PSMD5: variants seen among roughly 807,000 people sequenced by gnomAD.
The protein encoded by PSMD5 is 26S proteasome non-ATPase regulatory subunit 5.
Under a neutral mutation model 52.1 loss-of-function variants are expected in PSMD5, and 40 were observed. That is an observed-to-expected ratio of 0.77 (90% confidence interval 0.60 to 1.00). PSMD5 has a LOEUF of 1.00. Ranked by LOEUF, PSMD5 falls within the 50% of genes least tolerant of loss-of-function variation. PSMD5 has a pLI of 0.00. For synonymous variants in PSMD5, 211 were observed against 226.6 expected, an observed-to-expected ratio of 0.93 and a Z score of 0.62; for missense variants, 575 against 605.2, an observed-to-expected ratio of 0.95 and a Z score of 0.52.
chr9:120,835,960 T>C (rs1353095236), intron 1 of PSMD5, among the ~76,000 whole-genome samples: 1 of 152,068 alleles, frequency 6.6e-6, no homozygotes, highest in Non-Finnish European at 1.5e-5. Context: ...CTCCAGAACA[T>C]TTTCCTCTTC....
chr9:120,833,568 G>C, intron 1 of PSMD5, 112 bp from the exon 2 acceptor site: 2 of 1,109,280 alleles, frequency 1.8e-6, no homozygotes, highest in Non-Finnish European at 2.5e-6. Flanking sequence ...ACTTCTTTTT[G>C]AAACAGCAGC....
chr9:120,829,581 C>T (rs776307448), intron 4 of PSMD5, among the ~76,000 whole-genome samples: 4 of 152,054 alleles, frequency 2.6e-5, no homozygotes, highest in Non-Finnish European at 4.4e-5. Flanking sequence ...TTTTTAGTAG[C>T]GATGGGGTTT....
intron 5 of PSMD5, among the ~76,000 whole-genome samples, chr9:120,828,529 G>A (rs1388465688): frequency 6.9e-6 from 1 of 145,754 alleles, no homozygotes; most frequent in Non-Finnish European, 1.5e-5. Context: ...CCAGGTTCAA[G>A]CAATTCTCCT....
Position 120,833,177 on chromosome 9 carries a change from G to A in PSMD5, c.318+135C>T. The A allele has an allele frequency of 3.0e-6, 3 of 1,014,416 alleles. No individual in the cohort carries two copies. The South Asian group carries it at 4.7e-5, about 16-fold the overall frequency. The allele number at this position is 1,014,416 out of a possible 1,614,324, so 62.8% of individuals were successfully genotyped here. On this transcript the variant is annotated intron_variant, in intron 2 of 9. Transcript: ENST00000210313. Reference sequence around the variant, plus strand: ...AGACCACACATTTCCTAGGGGGAAAGAGGGAGCAGAGGAGAGGGGGAGAAG... The same window carrying A: ...AGACCACACATTTCCTAGGGGGAAAAAGGGAGCAGAGGAGAGGGGGAGAAG...
intron 1 of PSMD5, among the ~76,000 whole-genome samples, chr9:120,835,621 C>T (rs1048111232): frequency 6.6e-6 from 1 of 151,838 alleles, no homozygotes; most frequent in Non-Finnish European, 1.5e-5. Context: ...CCACCTACTT[C>T]AGGAGGCTGA....
At position 120,817,801 on chromosome 9, in the gene PSMD5, A is replaced by G; in HGVS notation, c.*105T>C. ...AAAGTAACATCTGACATTCCATGAT[A>G]ATTCTTGGGGAAAGGAAGTCTCTTT... On this transcript the variant is annotated 3_prime_UTR_variant, in exon 10 of 10. Transcript: ENST00000210313. 8.0e-7 allele frequency: 1 copy of G among 1,253,576 alleles called. No homozygotes were observed. Among genetic ancestry groups the G allele is most frequent in the Non-Finnish European group, 1.1e-6 (1 of 900,086 alleles). The allele number at this position is 1,253,576 out of a possible 1,614,324, so 77.7% of individuals were successfully genotyped here.
intron 7 of PSMD5, among the ~76,000 whole-genome samples, chr9:120,823,055 C>A (rs1195386833): frequency 6.6e-6 from 1 of 151,894 alleles, no homozygotes; most frequent in Admixed American, 6.6e-5. Context: ...AAACGATCCT[C>A]CCGCCTTGGC....
At position 120,821,679 on chromosome 9, in the gene PSMD5, T is replaced by G. The variant is rs114371043; in HGVS notation, c.1007-215A>C. Among the ~76,000 whole-genome samples, 620 of 152,280 alleles carry G rather than the reference T, an allele frequency of 4.1e-3. 6 individuals are homozygous for G. Among genetic ancestry groups the G allele is most frequent in the African/African-American group, 0.014 (581 of 41,556 alleles). On this transcript the variant is annotated intron_variant, in intron 7 of 9. Coordinates refer to ENST00000210313, the MANE Select transcript of PSMD5 (RefSeq NM_005047.4). ...CAATAATTCCCTTTCTTCTCTACCC[T>G]CATCCCCTGCCAACCACTATTCTAC...
chr9:120,824,798 G>A (rs1445040354), intron 6 of PSMD5, 113 bp from the exon 7 acceptor site: 2 of 876,426 alleles, frequency 2.3e-6, no homozygotes, highest in Non-Finnish European at 3.4e-6. Flanking sequence ...GCATAGAAAG[G>A]TTAGAGTAGT....
At chr9:120,824,286 C>G in intron 7 of PSMD5, 1 of 581,124 alleles carries the variant, frequency 1.7e-6, no homozygotes, top group South Asian at 2.0e-5. Flanking sequence ...CAATGAAAAC[C>G]TAAACCAGTG....
Position 120,829,207 on chromosome 9 carries a change from A to G in PSMD5, c.563T>C (p.Leu188Pro). ...TGACACGGAAGAAATCTCTATAATT[A>G]GCTGAAATAAAAAAAAAAACACAGA... ...NDIVRYRVYE[L>P]IIEISSVSPE... The change falls in exon 5 of 10, where the codon CTA becomes CCA. Residue 188 changes from leucine to proline, a missense_variant and splice_region_variant. Leu to Pro is a moderately conservative substitution (Grantham distance 98). Coordinates refer to ENST00000210313, the MANE Select transcript of PSMD5 (RefSeq NM_005047.4). 6.3e-7 allele frequency: 1 copy of G among 1,577,152 alleles called. No homozygotes were observed. Among genetic ancestry groups the G allele is most frequent in the Non-Finnish European group, 8.6e-7 (1 of 1,166,044 alleles).
In PSMD5 at chr9:120,829,109, C is replaced by T; in HGVS notation, c.661G>A (p.Val221Met). The change falls in exon 5 of 10, where the codon GTG becomes ATG. Residue 221 changes from valine (V) to methionine (M), a missense_variant. Val to Met is a conservative substitution (Grantham distance 21, BLOSUM62 1). Transcript: ENST00000210313. ...ACTCAGTCAACACACCTGACCAACACATCCTCACCAGTCAGCTCTCTCAGG... is the reference window on the plus strand; with the variant it reads ...ACTCAGTCAACACACCTGACCAACATATCCTCACCAGTCAGCTCTCTCAGG... Reference protein sequence around the residue: ...QLLRELTGEDVLVRATCIEMV... With the variant: ...QLLRELTGEDMLVRATCIEMV... 6.3e-7 allele frequency: 1 copy of T among 1,592,778 alleles called. No homozygotes were observed. The highest frequency in any genetic ancestry group is 8.5e-7 in the Non-Finnish European group (1 of 1,170,182).
chr9:120,821,587 A>G, intron 7 of PSMD5, 123 bp from the exon 8 acceptor site: 1 of 509,260 alleles, frequency 2.0e-6, no homozygotes, highest in Non-Finnish European at 3.3e-6. Context: ...ACTGTTGGGC[A>G]ACCATCATAA....
intron 7 of PSMD5, among the ~76,000 whole-genome samples, chr9:120,823,893 C>A (rs1005103895): frequency 6.6e-6 from 1 of 151,864 alleles, no homozygotes; most frequent in African/African-American, 2.4e-5. Context: ...ATATTCACAA[C>A]AACCCTGAGA....
At chr9:120,842,695 G>A in intron 1 of PSMD5, 42 bp downstream of exon 1, 1 of 1,607,802 alleles carries the variant, frequency 6.2e-7, no homozygotes, top group South Asian at 1.1e-5. Context: ...CCATATTTAG[G>A]GGTGCCCCTC....
At chr9:120,833,975 CTTTTTTTTTTTTT>C (rs34657179) in intron 1 of PSMD5, among the ~76,000 whole-genome samples, 2 of 80,322 alleles carry the variant, frequency 2.5e-5, no homozygotes, top group Non-Finnish European at 4.7e-5. Flanking sequence ...CGCACCTGGC[CTTTTTTTTTTTTT>C]TTTTTTTTTG....
At chr9:120,838,446 A>G (rs1430844504) in intron 1 of PSMD5, among the ~76,000 whole-genome samples, 1 of 152,222 alleles carries the variant, frequency 6.6e-6, no homozygotes, top group Admixed American at 6.5e-5. Flanking sequence ...AACTCTCTCA[A>G]AAAAAACTGT....
intron 7 of PSMD5, among the ~76,000 whole-genome samples, chr9:120,821,771 G>A (rs966527485): frequency 6.6e-6 from 1 of 152,192 alleles, no homozygotes; most frequent in Non-Finnish European, 1.5e-5. Flanking sequence ...GTCCTTATGT[G>A]TTTGGCTTAC....
chr9:120,820,207 C>T (rs576976922), intron 9 of PSMD5, among the ~76,000 whole-genome samples: 1 of 152,300 alleles, frequency 6.6e-6, no homozygotes, highest in Admixed American at 6.5e-5. Context: ...CTGCCTGGCT[C>T]CTTCAATAGA....
Sources: gnomAD v4.1 joint callset for allele counts (sites outside exome capture counted in the v4.1 genomes callset) on GRCh38, gnomAD v4.1.1 for gene constraint, MANE v1.5 for transcripts, NCBI Gene and HGNC (gene_info 2026-07-23, HGNC 2026-07-21) for gene names.